Variants in HPD observed in about 807,000 individuals in gnomAD.
The protein encoded by HPD is 4-hydroxyphenylpyruvic acid oxidase.
In HPD, 35 loss-of-function variants were observed where a neutral mutation model predicts 56.9. That is an observed-to-expected ratio of 0.62 (90% confidence interval 0.47 to 0.82). HPD has a LOEUF of 0.82. HPD is among the 40% of genes least tolerant of loss of function. HPD has a pLI of 0.00. For synonymous variants in HPD, 186 were observed against 200.2 expected, an observed-to-expected ratio of 0.93 and a Z score of 0.60; for missense variants, 442 against 506.8, an observed-to-expected ratio of 0.87 and a Z score of 1.23.
At chr12:121,843,517 A>C (rs1011246037) in intron 12 of HPD, among the ~76,000 whole-genome samples, 193 bp downstream of exon 12, 14 of 152,166 alleles carry the variant, frequency 9.2e-5, no homozygotes, top group African/African-American at 3.4e-4. Flanking sequence ...TGCACTGACT[A>C]TCTCTGACCG....
At position 121,843,732 on chromosome 12, in the gene HPD, T is replaced by C; in HGVS notation, c.932A>G (p.Lys311Arg). ...CACCTCCAGGGCATCAATGTTCTCC[T>C]TCACCTTGATCTTGGCCGTCTTCAG... ...EKLKTAKIKV[K>R]ENIDALEELK... Residue 311 changes from lysine (K) to arginine (R), a missense_variant, in exon 12 of 14, where the codon AAG (lysine) becomes AGG (arginine). Physicochemically the swap from Lys to Arg is conservative, Grantham distance 26 (BLOSUM62 2). Transcript: ENST00000289004. 6.2e-7 allele frequency: 1 copy of C among 1,614,132 alleles called. No homozygotes were observed.
intron 11 of HPD, among the ~76,000 whole-genome samples, chr12:121,844,511 G>A (rs950676066): frequency 6.6e-5 from 10 of 151,818 alleles, no homozygotes; most frequent in African/African-American, 2.4e-4. Flanking sequence ...ACTTTTGGAG[G>A]CTGAGGCGGG....
chr12:121,848,968 T>G (rs772580533), intron 9 of HPD, 31 bp downstream of exon 9: 1 of 1,556,110 alleles, frequency 6.4e-7, no homozygotes, highest in East Asian at 2.2e-5. Flanking sequence ...ACCCGTCATC[T>G]TCACGCAGAG....
At chr12:121,846,497 G>A (rs1877588091) in intron 11 of HPD, among the ~76,000 whole-genome samples, 1 of 152,044 alleles carries the variant, frequency 6.6e-6, no homozygotes, top group African/African-American at 2.4e-5. Context: ...GATTACAGGT[G>A]TGAGCCACTG....
chr12:121,861,352 T>C (rs1021234496), upstream of HPD, among the ~76,000 whole-genome samples: 1 of 144,036 alleles, frequency 6.9e-6, no homozygotes, highest in Non-Finnish European at 1.5e-5. Flanking sequence ...AAAAAAAAAA[T>C]TAGCTGGGTG....
At chr12:121,886,191 C>T in the HPD span, among the ~76,000 whole-genome samples, 1 of 150,478 alleles carries the variant, frequency 6.6e-6, no homozygotes, top group Admixed American at 6.6e-5. Context: ...TCACTGCAAG[C>T]TCTGTCTCCC....
chr12:121,879,800 C>A, the HPD span, among the ~76,000 whole-genome samples: 1 of 152,040 alleles, frequency 6.6e-6, no homozygotes, highest in African/African-American at 2.4e-5. Context: ...TTTGTCATGG[C>A]AATAAATACA....
chr12:121,859,094 C>T (rs1262676282), upstream of HPD: 1 of 544,154 alleles, frequency 1.8e-6, no homozygotes, highest in East Asian at 3.2e-5. Context: ...CAAGGGCAAG[C>T]TTTTCCAGGA....
chr12:121,863,683 G>T (rs528083121), upstream of HPD: 1 of 152,260 alleles, frequency 6.6e-6, no homozygotes, highest in East Asian at 1.9e-4. Context: ...AAGAGGCTGA[G>T]ATGGGGGGAT....
At position 121,845,054 on chromosome 12, in the gene HPD, A is replaced by G. The variant is rs189173491; in HGVS notation, c.832-1222T>C. ...AGCCAAAATCGCACCACTGCACTCC[A>G]GCCTAGAAGACAGAGCAAGACTGCA... On this transcript the variant is annotated intron_variant, in intron 11 of 13. Transcript: ENST00000289004. Among the ~76,000 whole-genome samples, 351 of 149,176 alleles carry G rather than the reference A, an allele frequency of 2.4e-3. 31 individuals are homozygous for G. Among genetic ancestry groups the G allele is most frequent in the African/African-American group, 8.8e-3 (341 of 38,822 alleles).
chr12:121,849,166 A>C, intron 8 of HPD, 90 bp from the exon 9 acceptor site: 1 of 797,384 alleles, frequency 1.3e-6, no homozygotes, highest in Non-Finnish European at 2.2e-6. Context: ...AATAGCTCAC[A>C]CTTCTGTTTT....
chr12:121,881,791 CAT>C, the HPD span, among the ~76,000 whole-genome samples: 1 of 149,088 alleles, frequency 6.7e-6, no homozygotes, highest in Non-Finnish European at 1.5e-5. Context: ...GGACTATAGG[CAT>C]GTGCCACCAT....
chr12:121,866,710 AT>A (rs1878337869), upstream of HPD, among the ~76,000 whole-genome samples: 1 of 152,040 alleles, frequency 6.6e-6, no homozygotes, highest in Non-Finnish European at 1.5e-5. Flanking sequence ...ATGATTTAAG[AT>A]TTTGTAAATA....
At chr12:121,866,786 A>G (rs764344602), upstream of HPD, among the ~76,000 whole-genome samples, 2 of 152,090 alleles carry the variant, frequency 1.3e-5, no homozygotes, top group Admixed American at 1.3e-4. Flanking sequence ...CACTGAAAAG[A>G]GTATTTCAGC....
chr12:121,853,554 A>G (rs936459639), intron 7 of HPD, among the ~76,000 whole-genome samples: 151 of 151,192 alleles, frequency 1.0e-3, no homozygotes, highest in Non-Finnish European at 1.4e-3. Flanking sequence ...CCCGGAAGGC[A>G]GCGCTTGCAG....
At chr12:121,842,277 C>T (rs1001652841) in intron 12 of HPD, among the ~76,000 whole-genome samples, 1 of 152,010 alleles carries the variant, frequency 6.6e-6, no homozygotes, top group African/African-American at 2.4e-5. Context: ...GCACGAACCA[C>T]CATGCCCAGC....
chr12:121,864,985 C>A (rs919975834), upstream of HPD, among the ~76,000 whole-genome samples: 1 of 151,268 alleles, frequency 6.6e-6, no homozygotes, highest in Non-Finnish European at 1.5e-5. Context: ...ATATTATAAA[C>A]GTCTGGGCAT....
rs377525221 is a variant in HPD at position 121,858,805 on chromosome 12, T to C, written c.3+16A>G. Reference sequence around the variant, plus strand: ...TGAAGATGTCCCACCCAAGGGGAGATGGCCATGGCACTTACCATGATTGAT... The same window carrying C: ...TGAAGATGTCCCACCCAAGGGGAGACGGCCATGGCACTTACCATGATTGAT... On this transcript the variant is annotated intron_variant, in intron 1 of 13. Coordinates refer to ENST00000289004, the MANE Select transcript of HPD (RefSeq NM_002150.3). The C allele has an allele frequency of 1.9e-6, 3 of 1,613,978 alleles. No individual in the cohort carries two copies. The highest frequency in any genetic ancestry group is 4.5e-5 in the East Asian group (2 of 44,890).
chr12:121,851,092 A>G (rs1592919949), intron 7 of HPD, among the ~76,000 whole-genome samples: 1 of 151,410 alleles, frequency 6.6e-6, no homozygotes, highest in Non-Finnish European at 1.5e-5. Flanking sequence ...CAAACTCCCA[A>G]CCTCAGGTGA....
Sources: allele counts gnomAD v4.1 joint callset (sites outside exome capture counted in the v4.1 genomes callset), GRCh38; gene constraint gnomAD v4.1.1; transcripts MANE v1.5; gene names NCBI Gene and HGNC (gene_info 2026-07-23, HGNC 2026-07-21).